Variants in IL3RA observed in about 807,000 individuals in gnomAD.
IL3RA encodes the protein interleukin-3 receptor subunit alpha.
IL3RA carries 73 observed loss-of-function variants against 52.3 expected under a neutral mutation model. The observed-to-expected ratio is 1.40, with a 90% CI of 1.16 to 1.70. The LOEUF is 1.70. Ranked by LOEUF, IL3RA falls within the 40% of genes most tolerant of loss-of-function variation. IL3RA has a pLI of 0.00. For synonymous variants in IL3RA, 260 were observed against 194.0 expected (o/e 1.34, Z -2.83); for missense variants, 664 against 504.4 (o/e 1.32, Z -3.03).
At chrX:1,380,829 G>A (rs1430578768) in intron 10 of IL3RA, among the ~76,000 whole-genome samples, 194 bp from the exon 11 acceptor site, 39 of 151,740 alleles carry the variant, frequency 2.6e-4, no homozygotes, top group African/African-American at 9.4e-4. Flanking sequence ...CCTTTAATTA[G>A]ACACCAGCGC....
At chrX:1,348,746 CCTT>C (rs2085934704) in intron 4 of IL3RA, among the ~76,000 whole-genome samples, 2 of 136,530 alleles carry the variant, frequency 1.5e-5, no homozygotes, top group African/African-American at 5.4e-5. Context: ...TTCTTTCTTT[CCTT>C]CTTTCCTCTC....
chrX:1,378,220 A>AAC (rs374168482), intron 9 of IL3RA, among the ~76,000 whole-genome samples: 45 of 151,652 alleles, frequency 3.0e-4, no homozygotes, highest in African/African-American at 1.0e-3. Context: ...AGAAAAAATT[A>AAC]ACACACACAC....
chrX:1,347,395 A>T (rs1190141244), intron 3 of IL3RA, among the ~76,000 whole-genome samples: 1 of 151,454 alleles, frequency 6.6e-6, no homozygotes, highest in Non-Finnish European at 1.5e-5. Flanking sequence ...CAGTGAGCCG[A>T]GATCGCGCCA....
intron 10 of IL3RA, among the ~76,000 whole-genome samples, chrX:1,379,222 C>T (rs2089007760): frequency 6.6e-6 from 1 of 151,934 alleles, no homozygotes; most frequent in Non-Finnish European, 1.5e-5. Flanking sequence ...GTGGCTCGAT[C>T]TCGGCTCACC....
At chrX:1,354,785 AAAG>A (rs1487756709) in intron 6 of IL3RA, among the ~76,000 whole-genome samples, 1 of 95,510 alleles carries the variant, frequency 1.0e-5, no homozygotes, top group African/African-American at 4.5e-5. Context: ...GAAGAGGAAG[AAAG>A]GAGGAGGAGA....
At chrX:1,356,673 G>A (rs1236022058) in intron 7 of IL3RA, among the ~76,000 whole-genome samples, 1 of 151,660 alleles carries the variant, frequency 6.6e-6, no homozygotes, top group Non-Finnish European at 1.5e-5. Flanking sequence ...TGGGGAGGCC[G>A]AGGCAGGAGA....
At chrX:1,341,874 G>A (rs1315058839) in intron 2 of IL3RA, 45 bp downstream of exon 2, 17 of 1,591,254 alleles carry the variant, frequency 1.1e-5, no homozygotes, top group African/African-American at 2.7e-5. Context: ...GGGAGCGGTG[G>A]GGGTAGACAG....
intron 4 of IL3RA, 43 bp downstream of exon 4, chrX:1,348,588 C>T (rs748623889): frequency 2.7e-5 from 37 of 1,356,564 alleles, no homozygotes; most frequent in Non-Finnish European, 3.7e-5. Flanking sequence ...TATTCCCTCC[C>T]TCCTTCCCTC....
chrX:1,362,502 CTA>C (rs1179316411), intron 8 of IL3RA, among the ~76,000 whole-genome samples: 7 of 150,374 alleles, frequency 4.7e-5, no homozygotes, highest in Non-Finnish European at 8.8e-5. Context: ...CTATCTCTGT[CTA>C]TGTCTGTTTT....
intron 8 of IL3RA, among the ~76,000 whole-genome samples, chrX:1,364,347 C>A (rs1224766609): frequency 6.8e-6 from 1 of 146,016 alleles, no homozygotes; most frequent in South Asian, 2.2e-4. Context: ...CAAAATTAAC[C>A]GAGCGTGGTG....
chrX:1,381,520 C>T (rs1279587841), intron 11 of IL3RA, among the ~76,000 whole-genome samples: 8 of 151,566 alleles, frequency 5.3e-5, no homozygotes, highest in Non-Finnish European at 1.2e-4. Context: ...CCGCACCCTG[C>T]ACACCAGAGC....
chrX:1,361,379 G>C (rs1206663800), intron 8 of IL3RA, among the ~76,000 whole-genome samples: 1 of 152,128 alleles, frequency 6.6e-6, no homozygotes, highest in Non-Finnish European at 1.5e-5. Context: ...ACAGTTCCAT[G>C]TGGCTGGGGA....
chrX:1,348,185 C>G (rs1157869510), intron 3 of IL3RA, among the ~76,000 whole-genome samples: 3 of 147,254 alleles, frequency 2.0e-5, no homozygotes, highest in East Asian at 4.0e-4. Flanking sequence ...TGTCTCTACC[C>G]AGAAAAATAC....
intron 11 of IL3RA, 54 bp from the exon 12 acceptor site, chrX:1,382,335 TGG>T (rs773081247): frequency 2.7e-4 from 325 of 1,209,022 alleles, no homozygotes; most frequent in African/African-American, 2.6e-3. Context: ...GATCAGGACG[TGG>T]GCTCTGTTAT....
chrX:1,360,109 C>A (rs868404727), intron 8 of IL3RA, among the ~76,000 whole-genome samples: 1 of 149,454 alleles, frequency 6.7e-6, no homozygotes, highest in Non-Finnish European at 1.5e-5. Context: ...GTCTCTATCT[C>A]CCCCTCTCCC....
intron 2 of IL3RA, 126 bp from the exon 3 acceptor site, chrX:1,345,190 T>C: frequency 1.8e-6 from 1 of 546,298 alleles, no homozygotes; most frequent in Non-Finnish European, 3.2e-6. Context: ...AAAAATTAAA[T>C]AAAAGAACTC....
At chrX:1,351,910 G>A (rs2086102952) in intron 4 of IL3RA, among the ~76,000 whole-genome samples, 190 bp from the exon 5 acceptor site, 2 of 152,002 alleles carry the variant, frequency 1.3e-5, no homozygotes, top group Admixed American at 1.3e-4. Flanking sequence ...GATCACAGGC[G>A]CGTGCCACCA....
In IL3RA at chrX:1,368,382, C is replaced by T. The variant is rs1188164437; in HGVS notation, c.874+3130C>T. On this transcript the variant is annotated intron_variant, in intron 9 of 11. Transcript: ENST00000331035. The stretch of plus-strand genomic sequence containing the variant: ...GGTAGATCACCTGAGGTCAGGAGTT[C>T]GAGACCAGCCTGACCAACATGGAAA... 4.6e-5 allele frequency among the ~76,000 whole-genome samples: 7 copies of T among 151,940 alleles called. No individual in the cohort carries two copies. The South Asian group carries it at 8.3e-4, about 18-fold the overall frequency.
rs1569520713 is a variant in IL3RA at position 1,348,680 on chromosome X, TTCTTTCTTTCTTTTTCTTTCTTTC to T, written c.298+137_298+160del. 160 of 398,158 alleles carry T rather than the reference TTCTTTCTTTCTTTTTCTTTCTTTC, an allele frequency of 4.0e-4. 7 individuals carry two copies. Among genetic ancestry groups the T allele is most frequent in the Middle Eastern group, 6.9e-4 (1 of 1,454 alleles). The allele number at this position is 398,158 out of a possible 1,614,324, so 24.7% of individuals were successfully genotyped here. A position where few individuals can be genotyped will look rare whatever the true frequency, so the allele number is the denominator to read the frequency against. ...TTTCTTTCTTTCTTTCTTTCTTTCTTTCTTTCTTTCTTTTTCTTTCTTTCTGTTTCTGTTTCTTTCTTCCTTTCT... is the reference window on the plus strand; with the variant it reads ...TTTCTTTCTTTCTTTCTTTCTTTCTTTGTTTCTGTTTCTTTCTTCCTTTCT... On this transcript the variant is annotated intron_variant, in intron 4 of 11. Coordinates refer to ENST00000331035, the MANE Select transcript of IL3RA (RefSeq NM_002183.4).
Sources: gnomAD v4.1 joint callset for allele counts (sites outside exome capture counted in the v4.1 genomes callset) on GRCh38, gnomAD v4.1.1 for gene constraint, MANE v1.5 for transcripts, NCBI Gene and HGNC (gene_info 2026-07-23, HGNC 2026-07-21) for gene names.